The following PCDHGA6 variants were observed in gnomAD, a reference collection of about 807,000 sequenced individuals.
The protein encoded by PCDHGA6 is protocadherin gamma subfamily A, 6.
In PCDHGA6, 41 loss-of-function variants were observed where a neutral mutation model predicts 60.6. The ratio of observed to expected loss-of-function variants is 0.68; its 90% CI spans 0.53 to 0.88. The LOEUF is 0.88. Ranked by LOEUF, PCDHGA6 falls within the 40% of genes least tolerant of loss-of-function variation. The pLI is 0.00. For missense variants in PCDHGA6, 1,312 were observed against 1,203.0 expected (o/e 1.09, Z -1.34); for synonymous variants, 594 against 524.4 (o/e 1.13, Z -1.81).
intron 1 of PCDHGA6, chr5:141,413,132 A>C (rs1313665743): frequency 1.3e-6 from 2 of 1,542,144 alleles, no homozygotes; most frequent in Admixed American, 4.0e-5. Context: ...GAAACACACA[A>C]CGTGTCCAGT....
chr5:141,409,941 G>T, intron 1 of PCDHGA6: 1 of 1,613,226 alleles, frequency 6.2e-7, no homozygotes, highest in South Asian at 1.1e-5. Flanking sequence ...ATGGTACCTC[G>T]CTCTGCAGAG....
intron 1 of PCDHGA6, among the ~76,000 whole-genome samples, chr5:141,457,440 A>G (rs188608086): frequency 3.9e-5 from 6 of 152,334 alleles, no homozygotes; most frequent in Non-Finnish European, 8.8e-5. Flanking sequence ...ACCAAGCTGC[A>G]GAAGATCACC....
At chr5:141,471,571 A>G (rs1417147609) in intron 1 of PCDHGA6, 1 of 152,224 alleles carries the variant, frequency 6.6e-6, no homozygotes, top group African/African-American at 2.4e-5. Context: ...GGGTAGCAGT[A>G]GATAGGGTAA....
intron 1 of PCDHGA6, chr5:141,414,940 G>C: frequency 7.4e-6 from 12 of 1,614,104 alleles, no homozygotes; most frequent in Non-Finnish European, 9.3e-6. Context: ...CGCAGAGCCC[G>C]GCTACCTGGT....
At chr5:141,410,469 T>C in intron 1 of PCDHGA6, 1 of 1,614,026 alleles carries the variant, frequency 6.2e-7, no homozygotes, top group Non-Finnish European at 8.5e-7. Context: ...AATCTGTGCA[T>C]TGCACATACG....
Position 141,398,972 on chromosome 5 carries a change from A to G in PCDHGA6, c.2424+22465A>G, listed in dbSNP as rs191593174. 31 of 1,613,974 alleles carry G rather than the reference A, an allele frequency of 1.9e-5. No homozygotes were observed. In the South Asian group the frequency reaches 2.5e-4, roughly 13 times the overall value. The stretch of plus-strand genomic sequence containing the variant: ...AACTCAGAAATTACTTATTCCTTCT[A>G]CAGAACCGGGCAAATCTTTAGTCTG... On this transcript the variant is annotated intron_variant, in intron 1 of 3. Transcript: ENST00000517434.
intron 1 of PCDHGA6, chr5:141,399,149 C>A: frequency 6.2e-7 from 1 of 1,613,772 alleles, no homozygotes; most frequent in Non-Finnish European, 8.5e-7. Flanking sequence ...GACAATAGCC[C>A]AGAAGTTACA....
chr5:141,381,257 C>G (rs1284591781), intron 1 of PCDHGA6, among the ~76,000 whole-genome samples: 1 of 152,248 alleles, frequency 6.6e-6, no homozygotes, highest in Non-Finnish European at 1.5e-5. Flanking sequence ...GAAGAATTTA[C>G]AAACCAAGAC....
rs1246027327 is a variant in PCDHGA6, at chr5:141,491,976, C to A, written c.2425-2831C>A. On this transcript the variant is annotated intron_variant, in intron 1 of 3. Transcript: ENST00000517434. This position sits in a 1 kb window ranked among gnomAD's most constrained non-coding sequence, Gnocchi z 6.9. ...ACTCAAAAAAGGCCGGGGCCTCCTT[C>A]GAGCTTCCGGTGAATTTCGGGCGAT... 3 of 800,708 alleles carry A rather than the reference C, an allele frequency of 3.7e-6. No individual in the cohort carries two copies. The Admixed American group carries it at 1.1e-4, about 30-fold the overall frequency. 49.6% of individuals were successfully genotyped at this position (800,708 alleles called of 1,614,324 possible).
intron 1 of PCDHGA6, among the ~76,000 whole-genome samples, chr5:141,450,815 A>ATTATTAT (rs1554136868): frequency 7.9e-6 from 1 of 126,684 alleles, no homozygotes; most frequent in African/African-American, 3.3e-5. Context: ...TATTTATTTA[A>ATTATTAT]TATTATTATT....
chr5:141,496,737 C>T (rs900394639), intron 2 of PCDHGA6, among the ~76,000 whole-genome samples: 9 of 152,168 alleles, frequency 5.9e-5, no homozygotes, highest in African/African-American at 2.2e-4. Context: ...TTCATTCGTT[C>T]ATTTATTCAA....
In PCDHGA6 at chr5:141,374,589, G is replaced by A. The variant is rs1385892757; in HGVS notation, c.506G>A (p.Gly169Glu). ...GATGTGGGAATGAACTCCCTTCAGG[G>A]ATTTAAGCTCAGTGGTAATAGTCAC... ...DPDVGMNSLQ[G>E]FKLSGNSHFS... The change falls in exon 1 of 4, where the codon GGA becomes GAA. Residue 169 changes from glycine (G) to glutamate (E), a missense_variant. By Grantham distance (98) the Gly-to-Glu change is moderately conservative (BLOSUM62 -2). Coordinates refer to ENST00000517434, the MANE Select transcript of PCDHGA6 (RefSeq NM_018919.3). 1 of 1,613,676 alleles carries A rather than the reference G, an allele frequency of 6.2e-7. No individual in the cohort carries two copies. Among genetic ancestry groups the A allele is most frequent in the Non-Finnish European group, 8.5e-7 (1 of 1,179,726 alleles).
intron 2 of PCDHGA6, among the ~76,000 whole-genome samples, chr5:141,496,347 T>C (rs1168306693): frequency 6.6e-6 from 1 of 152,198 alleles, no homozygotes; most frequent in Non-Finnish European, 1.5e-5. Context: ...TGGAGGAGTC[T>C]CAGAGCCCAG....
chr5:141,399,602 T>G, intron 1 of PCDHGA6: 1 of 1,613,956 alleles, frequency 6.2e-7, no homozygotes, highest in South Asian at 1.1e-5. Context: ...GCCAGCGACC[T>G]AGAGCCTCTG....
At chr5:141,394,955 C>A (rs2093135329) in intron 1 of PCDHGA6, 11 of 1,613,878 alleles carry the variant, frequency 6.8e-6, no homozygotes, top group Non-Finnish European at 8.5e-6. Context: ...TTCTGGGGCT[C>A]AGGCTGAGGC....
chr5:141,423,462 C>G, intron 1 of PCDHGA6: 1 of 1,613,924 alleles, frequency 6.2e-7, no homozygotes, highest in Non-Finnish European at 8.5e-7. Flanking sequence ...TAGGCGTGGA[C>G]GGGGTACAGG....
At chr5:141,499,300 C>G (rs2154592463) in intron 2 of PCDHGA6, among the ~76,000 whole-genome samples, 1 of 152,292 alleles carries the variant, frequency 6.6e-6, no homozygotes, top group South Asian at 2.1e-4. Context: ...ACTACCATCC[C>G]TCCTCTGAGA....
At chr5:141,384,983 T>C (rs944174966) in intron 1 of PCDHGA6, 1 of 1,614,026 alleles carries the variant, frequency 6.2e-7, no homozygotes, top group Non-Finnish European at 8.5e-7. Context: ...TACCTGGTGG[T>C]GGCGGTGGCC....
intron 1 of PCDHGA6, chr5:141,414,532 C>T (rs747661760): frequency 1.9e-6 from 3 of 1,613,930 alleles, no homozygotes; most frequent in Admixed American, 3.3e-5. Flanking sequence ...CAATGACAAC[C>T]CACCTACCTT....
Sources: allele counts gnomAD v4.1 joint callset (sites outside exome capture counted in the v4.1 genomes callset), GRCh38; gene constraint gnomAD v4.1.1; non-coding constraint Gnocchi (gnomAD v3.1); transcripts MANE v1.5; gene names NCBI Gene and HGNC (gene_info 2026-07-23, HGNC 2026-07-21).